Variants in SYNE2 observed in about 807,000 individuals in gnomAD.
SYNE2 encodes spectrin repeat containing nuclear envelope protein 2, also known as nesprin-2.
In SYNE2, 431 loss-of-function variants were observed where a neutral mutation model predicts 856.3. The observed-to-expected ratio is 0.50, with a 90% CI of 0.47 to 0.55. The LOEUF (loss-of-function observed/expected upper bound fraction) is 0.55. Ranked by LOEUF, SYNE2 falls within the 20% of genes least tolerant of loss-of-function variation. The pLI, the probability that SYNE2 is intolerant of heterozygous loss-of-function variation, is 0.00. For missense variants in SYNE2, 8,129 were observed against 8,023.2 expected (o/e 1.01, Z -0.50); for synonymous variants, 2,923 against 2,872.3 (o/e 1.02, Z -0.56).
chr14:64,105,256 C>G (rs2097763631), intron 64 of SYNE2, among the ~76,000 whole-genome samples: 1 of 152,194 alleles, frequency 6.6e-6, no homozygotes, highest in Non-Finnish European at 1.5e-5. Context: ...CATGCGAAAC[C>G]TCAGCCTAAA....
At chr14:63,799,639 G>A (rs1888055149) in intron 1 of SYNE2, among the ~76,000 whole-genome samples, 1 of 152,138 alleles carries the variant, frequency 6.6e-6, no homozygotes, top group Admixed American at 6.5e-5. Flanking sequence ...GGGAGGCAGA[G>A]CTGGCAGTGA....
At chr14:64,186,360 A>G in intron 96 of SYNE2, 64 bp from the exon 97 acceptor site, 4 of 1,603,484 alleles carry the variant, frequency 2.5e-6, no homozygotes, top group Non-Finnish European at 3.4e-6. Flanking sequence ...ATTAGCCTAC[A>G]GGTTTGGAAA....
At chr14:64,132,865 C>T (rs2098036954) in intron 77 of SYNE2, among the ~76,000 whole-genome samples, 1 of 152,118 alleles carries the variant, frequency 6.6e-6, no homozygotes, top group South Asian at 2.1e-4. Context: ...TTGAGGCATT[C>T]CCCTCACACC....
At position 64,143,945 on chromosome 14, in the gene SYNE2, A is replaced by G. The variant is rs752809835; in HGVS notation, c.15480A>G (p.Arg5160=). 1 of 1,614,140 alleles carries G rather than the reference A, an allele frequency of 6.2e-7. No individual in the cohort carries two copies. Among genetic ancestry groups the G allele is most frequent in the South Asian group, 1.1e-5 (1 of 91,076 alleles). The change falls in exon 83 of 116, where the codon AGA becomes AGG. Residue 5160 remains arginine (R), a synonymous_variant. Transcript: ENST00000555002. ...ACCGTGTACATGGAATGCTGAATAG[A>G]AAGGTGTGTTCCTGCGTCACAACTG... is the stretch of plus-strand genomic sequence containing the variant. The part of the protein sequence containing the change: ...QWHRVHGMLN[R]KIQHLEQLLE...
At chr14:63,806,261 T>C (rs1242732487) in intron 1 of SYNE2, among the ~76,000 whole-genome samples, 1 of 152,250 alleles carries the variant, frequency 6.6e-6, no homozygotes, top group African/African-American at 2.4e-5. Flanking sequence ...TATTTAGCTC[T>C]GTTTACGTCA....
chr14:64,135,377 A>G (rs946477129), intron 78 of SYNE2, among the ~76,000 whole-genome samples: 1 of 152,060 alleles, frequency 6.6e-6, no homozygotes, highest in African/African-American at 2.4e-5. Flanking sequence ...CATTTTCCAG[A>G]GGCTGGGACA....
At chr14:63,788,654 G>A (rs923461504) in intron 1 of SYNE2, among the ~76,000 whole-genome samples, 3 of 152,210 alleles carry the variant, frequency 2.0e-5, no homozygotes, top group Non-Finnish European at 2.9e-5. Flanking sequence ...AAGGAGGGGG[G>A]TTCCTGCCTG....
chr14:63,786,033 C>T (rs1440169985), intron 1 of SYNE2, among the ~76,000 whole-genome samples: 2 of 152,044 alleles, frequency 1.3e-5, no homozygotes, highest in Non-Finnish European at 2.9e-5. Flanking sequence ...GGCGGATCAT[C>T]TGAGGTCAGG....
intron 84 of SYNE2, among the ~76,000 whole-genome samples, chr14:64,151,194 C>T (rs1290886303): frequency 2.0e-5 from 3 of 151,840 alleles, no homozygotes; most frequent in Non-Finnish European, 4.4e-5. Context: ...CCCTGACATT[C>T]ATTGGTTTAG....
chr14:63,944,158 A>G (rs2095975502), intron 6 of SYNE2, among the ~76,000 whole-genome samples: 1 of 151,082 alleles, frequency 6.6e-6, no homozygotes, highest in South Asian at 2.1e-4. Context: ...TTTAGTGTAT[A>G]GTCTTTATGA....
chr14:63,871,875 C>T (rs1896936535), intron 1 of SYNE2, among the ~76,000 whole-genome samples: 1 of 152,026 alleles, frequency 6.6e-6, no homozygotes, highest in African/African-American at 2.4e-5. Context: ...AATGATTATA[C>T]AGTAAGTATA....
chr14:63,810,855 G>A (rs562175581), intron 1 of SYNE2, among the ~76,000 whole-genome samples: 2 of 152,184 alleles, frequency 1.3e-5, no homozygotes, highest in African/African-American at 4.8e-5. Context: ...TTTTATTTAA[G>A]ACAGAGTCTT....
intron 73 of SYNE2, 52 bp from the exon 74 acceptor site, chr14:64,128,400 A>T: frequency 1.0e-6 from 1 of 954,622 alleles, no homozygotes; most frequent in Non-Finnish European, 1.7e-6. Context: ...ATATAAAAAA[A>T]GATAATGAAG....
At chr14:63,964,962 CTTTTT>C (rs750645462) in intron 10 of SYNE2, among the ~76,000 whole-genome samples, 2 of 131,000 alleles carry the variant, frequency 1.5e-5, no homozygotes, top group Admixed American at 7.8e-5. Context: ...TTGAACATTT[CTTTTT>C]TTTTTTTTTT....
rs1394908925 is a variant in SYNE2, at chr14:64,141,426, C to G, written c.15062C>G (p.Thr5021Ser). 2 of 1,614,068 alleles carry G rather than the reference C, an allele frequency of 1.2e-6. No homozygotes were observed. ...IGNQLLHLKE[T>S]DTATLRASLA... ...AACCAGCTTCTTCACCTGAAAGAAA[C>G]TGATACAGCTACACTGAGAGCTTCT... The change falls in exon 81 of 116, where the codon ACT becomes AGT. Residue 5021 changes from threonine to serine, a missense_variant. Thr to Ser is a moderately conservative substitution (Grantham distance 58, BLOSUM62 1). Transcript: ENST00000555002.
chr14:64,159,198 AGC>A, intron 86 of SYNE2, 112 bp from the exon 87 acceptor site: 1 of 1,370,674 alleles, frequency 7.3e-7, no homozygotes, highest in Non-Finnish European at 1.0e-6. Context: ...AGTTTATCAG[AGC>A]TGTAAGATTT....
rs200802487 is a variant in SYNE2 at position 63,785,481 on chromosome 14, C to CA, written c.-305+23503dup. Among the ~76,000 whole-genome samples, 1,492 of 151,484 alleles carry CA rather than the reference C, an allele frequency of 9.8e-3. 8 individuals carry two copies. The highest frequency in any genetic ancestry group is 0.014 in the Non-Finnish European group (964 of 67,802). On this transcript the variant is annotated intron_variant, in intron 1 of 23. Transcript: ENST00000674003. The stretch of plus-strand genomic sequence containing the variant: ...TCAAAAACAAAACAAAACAAACAAA[C>CA]AAAAAAAACACCTGGCACACTTCAT...
intron 97 of SYNE2, among the ~76,000 whole-genome samples, chr14:64,186,901 T>C (rs2098494317): frequency 6.6e-6 from 1 of 152,250 alleles, no homozygotes; most frequent in South Asian, 2.1e-4. Context: ...TCCTAATCAG[T>C]GTATCAGAAG....
intron 65 of SYNE2, among the ~76,000 whole-genome samples, chr14:64,108,514 G>C (rs1210160507): frequency 2.0e-5 from 3 of 152,248 alleles, no homozygotes; most frequent in African/African-American, 7.2e-5. Context: ...TATTTCCCAA[G>C]TTAATTTTGG....
Sources: gnomAD v4.1 joint callset for allele counts (sites outside exome capture counted in the v4.1 genomes callset) on GRCh38, gnomAD v4.1.1 for gene constraint, MANE v1.5 for transcripts, NCBI Gene and HGNC (gene_info 2026-07-23, HGNC 2026-07-21) for gene names.